PHACTR1: variants seen among roughly 807,000 people sequenced by gnomAD.
The protein encoded by PHACTR1 is RPEL repeat containing 1.
Under a neutral mutation model 69.2 loss-of-function variants are expected in PHACTR1, and 16 were observed. The ratio of observed to expected loss-of-function variants is 0.23; its 90% CI spans 0.16 to 0.35. The LOEUF is 0.35. Among genes scored for constraint, PHACTR1 ranks in the 10% least tolerant of loss-of-function variants. The pLI is 1.00. For missense variants in PHACTR1, 510 were observed against 734.7 expected (o/e 0.69, Z 3.54); for synonymous variants, 312 against 284.5 (o/e 1.10, Z -0.97).
intron 7 of PHACTR1, among the ~76,000 whole-genome samples, chr6:13,194,241 A>G (rs1223560630): frequency 6.6e-6 from 1 of 152,068 alleles, no homozygotes; most frequent in Non-Finnish European, 1.5e-5. Flanking sequence ...TGTCTTTACT[A>G]AAAATACAAA....
intron 5 of PHACTR1, among the ~76,000 whole-genome samples, chr6:13,070,991 TAAAAAA>T (rs11357927): frequency 6.7e-6 from 1 of 149,828 alleles, no homozygotes; most frequent in African/African-American, 2.5e-5. Flanking sequence ...CCTTAATAAT[TAAAAAA>T]AAAAAAGGAC....
At chr6:12,994,955 C>A (rs1797250855) in intron 4 of PHACTR1, among the ~76,000 whole-genome samples, 1 of 151,876 alleles carries the variant, frequency 6.6e-6, no homozygotes, top group South Asian at 2.1e-4. Flanking sequence ...TAATCATAGA[C>A]CCTCACTGAA....
chr6:12,943,852 T>G (rs1790309123), intron 4 of PHACTR1, among the ~76,000 whole-genome samples: 1 of 152,212 alleles, frequency 6.6e-6, no homozygotes, highest in Admixed American at 6.5e-5. Context: ...TTATTTTATA[T>G]TTGAGATAAT....
At chr6:13,105,407 G>A (rs990783577) in intron 5 of PHACTR1, among the ~76,000 whole-genome samples, 1 of 152,004 alleles carries the variant, frequency 6.6e-6, no homozygotes, top group African/African-American at 2.4e-5. Context: ...CGGGGTGGGG[G>A]TGTGGAGGGA....
At position 12,977,023 on chromosome 6, in the gene PHACTR1, T is replaced by C. The variant is rs140502568; in HGVS notation, c.251-76342T>C. Among the ~76,000 whole-genome samples the C allele has an allele frequency of 3.1e-3, 468 of 152,348 alleles. 1 individual carries two copies. Among genetic ancestry groups the C allele is most frequent in the Non-Finnish European group, 5.3e-3 (363 of 68,036 alleles). On this transcript the variant is annotated intron_variant, in intron 4 of 14. Coordinates refer to ENST00000332995, the MANE Select transcript of PHACTR1 (RefSeq NM_030948.6). The stretch of plus-strand genomic sequence containing the variant: ...CTCTGTTGCTCAGGCTGGAGTGCAA[T>C]GGTGCAATCTCGGCTCACTGCAACC...
chr6:13,101,430 T>G (rs968942827), intron 5 of PHACTR1, among the ~76,000 whole-genome samples: 12 of 152,206 alleles, frequency 7.9e-5, no homozygotes, highest in African/African-American at 2.7e-4. Flanking sequence ...CATAGCAGTA[T>G]GCTTCCAAGA....
At chr6:12,967,175 T>C (rs560713841) in intron 4 of PHACTR1, among the ~76,000 whole-genome samples, 11 of 152,284 alleles carry the variant, frequency 7.2e-5, no homozygotes, top group African/African-American at 2.6e-4. Context: ...ACAGCAAATG[T>C]TTCATCTTCA....
intron 4 of PHACTR1, among the ~76,000 whole-genome samples, chr6:12,830,648 G>A (rs1298651882): frequency 6.6e-6 from 1 of 151,974 alleles, no homozygotes; most frequent in Non-Finnish European, 1.5e-5. Context: ...GGAGTGCAGT[G>A]GCGCGATCTC....
chr6:13,094,375 A>G (rs540820347), intron 5 of PHACTR1, among the ~76,000 whole-genome samples: 42 of 149,532 alleles, frequency 2.8e-4, no homozygotes, highest in African/African-American at 9.4e-4. Flanking sequence ...GCTCACTGCA[A>G]CCTCCGCCTC....
At chr6:12,859,130 T>C (rs1780691405) in intron 4 of PHACTR1, among the ~76,000 whole-genome samples, 1 of 152,138 alleles carries the variant, frequency 6.6e-6, no homozygotes, top group Non-Finnish European at 1.5e-5. Flanking sequence ...CTGAAAGAGC[T>C]TTAGGAGCTG....
chr6:12,824,513 C>G (rs147337458), intron 4 of PHACTR1, among the ~76,000 whole-genome samples: 5 of 152,210 alleles, frequency 3.3e-5, no homozygotes, highest in African/African-American at 1.2e-4. Context: ...CATTATAAAT[C>G]TGCATACTAT....
chr6:13,099,921 G>A (rs902984151), intron 5 of PHACTR1, among the ~76,000 whole-genome samples: 1 of 152,176 alleles, frequency 6.6e-6, no homozygotes, highest in African/African-American at 2.4e-5. Flanking sequence ...ATCAGGAAGG[G>A]TTGTTGATTT....
At chr6:13,270,979 G>C (rs567292628) in intron 10 of PHACTR1, among the ~76,000 whole-genome samples, 1 of 151,712 alleles carries the variant, frequency 6.6e-6, no homozygotes, top group East Asian at 1.9e-4. Flanking sequence ...GAGAGAGAGA[G>C]AGTGAGCAGG....
chr6:13,054,774 T>C (rs1806521740), intron 5 of PHACTR1, among the ~76,000 whole-genome samples: 1 of 152,188 alleles, frequency 6.6e-6, no homozygotes, highest in Non-Finnish European at 1.5e-5. Flanking sequence ...GGTTGCAACA[T>C]ATGAATTTGG....
At position 13,272,894 on chromosome 6, in the gene PHACTR1, G is replaced by A. The variant is rs2127450961; in HGVS notation, c.1426G>A (p.Glu476Lys). The change falls in exon 11 of 15, where the codon GAA becomes AAA. Residue 476 changes from glutamate (E) to lysine (K), a missense_variant. By Grantham distance (56) the Glu-to-Lys change is moderately conservative. Transcript: ENST00000332995. Reference sequence around the variant, plus strand: ...CCAGAGGCCAACTGCAGAGGAACTGGAACAGAGGAACATTTTGAAACGTAA... The same window carrying A: ...CCAGAGGCCAACTGCAGAGGAACTGAAACAGAGGAACATTTTGAAACGTAA... ...LSQRPTAEEL[E>K]QRNILKPRNE... is the part of the protein sequence containing the mutation. The A allele has an allele frequency of 6.2e-7, 1 of 1,614,062 alleles. No individual in the cohort carries two copies. The highest frequency in any genetic ancestry group is 8.5e-7 in the Non-Finnish European group (1 of 1,179,894).
At chr6:12,738,373 G>A (rs1340589258) in intron 3 of PHACTR1, among the ~76,000 whole-genome samples, 1 of 152,150 alleles carries the variant, frequency 6.6e-6, no homozygotes, top group Non-Finnish European at 1.5e-5. Context: ...CCCCTTTCTA[G>A]TTTGAAACTA....
intron 4 of PHACTR1, among the ~76,000 whole-genome samples, chr6:12,801,249 A>G (rs1464535265): frequency 6.6e-6 from 1 of 152,234 alleles, no homozygotes; most frequent in Non-Finnish European, 1.5e-5. Context: ...GAATCATAGA[A>G]GAACACCATC....
intron 10 of PHACTR1, among the ~76,000 whole-genome samples, chr6:13,251,591 A>G (rs1774411492): frequency 6.6e-6 from 1 of 152,134 alleles, no homozygotes; most frequent in South Asian, 2.1e-4. Context: ...GAGAAAATAA[A>G]ACAAAAAACC....
rs115042310 is a variant in PHACTR1 at position 13,230,227 on chromosome 6, T to A, written c.1391+34T>A. 6.3e-4 allele frequency: 1,003 copies of A among 1,588,318 alleles called. No homozygotes were observed. The African/African-American group carries it at 0.012, about 19-fold the overall frequency. On this transcript the variant is annotated intron_variant, in intron 10 of 14. Coordinates refer to ENST00000332995, the MANE Select transcript of PHACTR1 (RefSeq NM_030948.6). The stretch of plus-strand genomic sequence containing the variant: ...GCGGCACCCTCTGCCTCCCTGGCAG[T>A]GGGCCTTTAGCTCTCCAGGTTCTAG...
Sources: allele counts gnomAD v4.1 joint callset (sites outside exome capture counted in the v4.1 genomes callset), GRCh38; gene constraint gnomAD v4.1.1; transcripts MANE v1.5; gene names NCBI Gene and HGNC (gene_info 2026-07-23, HGNC 2026-07-21).